Variants in SOX6 observed in about 807,000 individuals in gnomAD.
SOX6 encodes SRY-box transcription factor 6, also known as transcription factor SOX-6.
A neutral mutation model predicts 97.8 loss-of-function variants in SOX6; 11 were observed. The observed-to-expected ratio is 0.11, with a 90% CI of 0.07 to 0.19. The LOEUF (loss-of-function observed/expected upper bound fraction) is 0.19. Among genes scored for constraint, SOX6 ranks in the 10% least tolerant of loss-of-function variants. The probability of loss-of-function intolerance (pLI) is 1.00; values close to 1 mark genes in which losing one functional copy is unlikely to be tolerated. For missense variants in SOX6, 810 were observed against 1,039.5 expected, an observed-to-expected ratio of 0.78 and a Z score of 3.04; for synonymous variants, 360 against 371.4, an observed-to-expected ratio of 0.97 and a Z score of 0.35.
intron 2 of SOX6, among the ~76,000 whole-genome samples, chr11:16,322,021 A>G (rs1269933668): frequency 6.6e-6 from 1 of 152,186 alleles, no homozygotes; most frequent in Non-Finnish European, 1.5e-5. Flanking sequence ...TTAAAAAAAA[A>G]TCTTGACAAA....
chr11:16,056,296 T>G (rs1374652035), intron 9 of SOX6, among the ~76,000 whole-genome samples: 1 of 152,168 alleles, frequency 6.6e-6, no homozygotes, highest in South Asian at 2.1e-4. Context: ...ATTCATGAAT[T>G]AAGAAACTAA....
chr11:16,225,096 AG>A (rs1157064662), intron 4 of SOX6, among the ~76,000 whole-genome samples: 1 of 152,126 alleles, frequency 6.6e-6, no homozygotes, highest in African/African-American at 2.4e-5. Flanking sequence ...TTTACAAGTC[AG>A]TCTCTAGATC....
At chr11:16,339,168 CTT>C (rs1856553705) in intron 2 of SOX6, among the ~76,000 whole-genome samples, 1 of 152,032 alleles carries the variant, frequency 6.6e-6, no homozygotes, top group Non-Finnish European at 1.5e-5. Flanking sequence ...TTCTTTCACT[CTT>C]GTCTCTCTCC....
At chr11:16,416,230 C>G (rs540316412) in intron 1 of SOX6, among the ~76,000 whole-genome samples, 2 of 152,326 alleles carry the variant, frequency 1.3e-5, no homozygotes, top group African/African-American at 4.8e-5. Context: ...CAGAAAAAGA[C>G]TTTTGCCAAG....
chr11:16,174,638 G>A (rs1851135063), intron 6 of SOX6, among the ~76,000 whole-genome samples: 1 of 151,844 alleles, frequency 6.6e-6, no homozygotes, highest in Non-Finnish European at 1.5e-5. Context: ...TATGCATACT[G>A]TTTAACTTCT....
intron 6 of SOX6, among the ~76,000 whole-genome samples, chr11:16,175,332 T>C (rs968823581): frequency 1.3e-5 from 2 of 151,940 alleles, no homozygotes; most frequent in African/African-American, 4.8e-5. Context: ...GGGTTTTATA[T>C]AATTATCTCA....
At chr11:16,452,304 T>G in intron 1 of SOX6, among the ~76,000 whole-genome samples, 1 of 152,204 alleles carries the variant, frequency 6.6e-6, no homozygotes, top group East Asian at 1.9e-4. Context: ...GCAGCCTTTG[T>G]TCTTTCTTTG....
At chr11:16,317,464 G>C (rs1855785313) in intron 3 of SOX6, 1 of 151,922 alleles carries the variant, frequency 6.6e-6, no homozygotes, top group Non-Finnish European at 1.5e-5. Context: ...GGGTACTGAA[G>C]TTCCTAGTCT....
At position 16,425,470 on chromosome 11, in the gene SOX6, A is replaced by T. The variant is rs187222239; in HGVS notation, c.-5+50845T>A. On this transcript the variant is annotated intron_variant, in intron 1 of 15. Coordinates refer to the SOX6 transcript ENST00000396356. ...AGTATTGGAAGTCCTGGCCAGGGCA[A>T]TCAGGCAAGAAAAAGAAATCAAGGT... Among the ~76,000 whole-genome samples the T allele has an allele frequency of 1.2e-4, 18 of 152,310 alleles. No individual in the cohort carries two copies. In the East Asian group the frequency reaches 2.3e-3, roughly 20 times the overall value.
intron 1 of SOX6, among the ~76,000 whole-genome samples, chr11:16,411,063 T>C (rs1309451649): frequency 1.3e-5 from 2 of 152,030 alleles, no homozygotes; most frequent in Admixed American, 6.6e-5. Context: ...GAGAAGGCTC[T>C]TCCTAGGAGG....
chr11:16,454,465 T>A (rs2133099698), intron 1 of SOX6, among the ~76,000 whole-genome samples: 1 of 152,186 alleles, frequency 6.6e-6, no homozygotes, highest in Admixed American at 6.5e-5. Context: ...TTGTGGTTTC[T>A]GTACTAGGAA....
intron 11 of SOX6, 184 bp downstream of exon 11, chr11:16,049,571 A>C (rs960080008): frequency 1.0e-5 from 7 of 691,424 alleles, no homozygotes; most frequent in Admixed American, 5.6e-5. Context: ...GATTTATATT[A>C]TGACCTTTTC....
exon 1 of SOX6, chr11:16,738,425 C>G: frequency 2.7e-6 from 1 of 369,708 alleles, no homozygotes; most frequent in Non-Finnish European, 5.1e-6. Context: ...CAACGCTCAC[C>G]GCCATACACA....
At chr11:15,992,347 C>T (rs1854080763) in intron 13 of SOX6, among the ~76,000 whole-genome samples, 1 of 152,214 alleles carries the variant, frequency 6.6e-6, no homozygotes, top group Non-Finnish European at 1.5e-5. Flanking sequence ...TCAACTACAA[C>T]AGCGACGTTT....
At chr11:16,339,211 T>C (rs1431302640) in intron 2 of SOX6, among the ~76,000 whole-genome samples, 1 of 152,028 alleles carries the variant, frequency 6.6e-6, no homozygotes, top group Non-Finnish European at 1.5e-5. Flanking sequence ...CCAGACTTTA[T>C]CTGTTTGAAA....
At chr11:16,559,179 A>G (rs928789824) in intron 4 of SOX6, among the ~76,000 whole-genome samples, 11 of 152,092 alleles carry the variant, frequency 7.2e-5, no homozygotes, top group African/African-American at 1.4e-4. Context: ...TATATTTGCT[A>G]GGAAAAAAAA....
intron 7 of SOX6, among the ~76,000 whole-genome samples, chr11:16,104,254 C>A (rs1849019318): frequency 6.6e-6 from 1 of 151,956 alleles, no homozygotes; most frequent in South Asian, 2.1e-4. Context: ...AATAGCAGTT[C>A]ATATCTCTGC....
chr11:16,422,207 T>C (rs1042140312), intron 1 of SOX6, among the ~76,000 whole-genome samples: 4 of 152,210 alleles, frequency 2.6e-5, no homozygotes, highest in African/African-American at 9.6e-5. Context: ...CAACTAATAC[T>C]ACATGACAGG....
At chr11:16,707,419 G>A (rs1296714590) in intron 3 of SOX6, among the ~76,000 whole-genome samples, 1 of 151,542 alleles carries the variant, frequency 6.6e-6, no homozygotes, top group East Asian at 1.9e-4. Flanking sequence ...TTCAAAACAT[G>A]GTAGGGAAAG....
Sources: gnomAD v4.1 joint callset for allele counts (sites outside exome capture counted in the v4.1 genomes callset) on GRCh38, gnomAD v4.1.1 for gene constraint, MANE v1.5 for transcripts, NCBI Gene and HGNC (gene_info 2026-07-23, HGNC 2026-07-21) for gene names.